HS6ST3: variants seen among roughly 807,000 people sequenced by gnomAD.
HS6ST3 encodes the protein heparan-sulfate 6-O-sulfotransferase 3.
In HS6ST3, 12 loss-of-function variants were observed where a neutral mutation model predicts 36.7. That is an observed-to-expected ratio of 0.33 (90% CI 0.21 to 0.53). HS6ST3 has a LOEUF of 0.53. Ranked by LOEUF, HS6ST3 falls within the 20% of genes least tolerant of loss-of-function variation. HS6ST3 has a pLI of 0.95. For missense variants in HS6ST3, 584 were observed against 640.9 expected (o/e 0.91, Z 0.96); for synonymous variants, 240 against 257.5 (o/e 0.93, Z 0.65).
At chr13:96,520,193 C>T (rs1376267892) in intron 1 of HS6ST3, among the ~76,000 whole-genome samples, 8 of 152,174 alleles carry the variant, frequency 5.3e-5, no homozygotes, top group South Asian at 2.1e-4. Flanking sequence ...CTGAGGCCTC[C>T]GTTCTCTTCC....
At chr13:96,794,254 C>T (rs1458145464) in intron 1 of HS6ST3, among the ~76,000 whole-genome samples, 1 of 152,022 alleles carries the variant, frequency 6.6e-6, no homozygotes, top group Non-Finnish European at 1.5e-5. Context: ...AACAGTAAAA[C>T]TTTAAGACAC....
intron 1 of HS6ST3, among the ~76,000 whole-genome samples, chr13:96,152,368 C>T (rs1476618358): frequency 1.7e-5 from 2 of 121,108 alleles, no homozygotes; most frequent in African/African-American, 3.2e-5. Context: ...GACGGAGTCT[C>T]GCTCTGTCCC....
chr13:96,163,523 C>T (rs1265239100), intron 1 of HS6ST3, among the ~76,000 whole-genome samples: 11 of 152,090 alleles, frequency 7.2e-5, no homozygotes, highest in Admixed American at 7.2e-4. Flanking sequence ...GCCACTGCAC[C>T]CAGCCCCTGT....
At chr13:96,551,443 A>C (rs1011077822) in intron 1 of HS6ST3, among the ~76,000 whole-genome samples, 4 of 152,200 alleles carry the variant, frequency 2.6e-5, no homozygotes, top group African/African-American at 9.6e-5. Flanking sequence ...TTTTATTGAG[A>C]AACTGTCATT....
chr13:96,437,710 G>A (rs1407686662), intron 1 of HS6ST3, among the ~76,000 whole-genome samples: 1 of 152,226 alleles, frequency 6.6e-6, no homozygotes, highest in African/African-American at 2.4e-5. Context: ...TTGAGGCATT[G>A]CCTTTGCTTA....
chr13:96,116,434 CT>C (rs1256437381), intron 1 of HS6ST3, among the ~76,000 whole-genome samples: 2 of 152,092 alleles, frequency 1.3e-5, no homozygotes, highest in Admixed American at 1.3e-4. Context: ...GTGGTCTCCC[CT>C]AATCAGCAGA....
At chr13:96,261,275 C>A (rs2054665265) in intron 1 of HS6ST3, among the ~76,000 whole-genome samples, 1 of 148,186 alleles carries the variant, frequency 6.7e-6, no homozygotes, top group African/African-American at 2.5e-5. Flanking sequence ...TATATATATC[C>A]CTAAAAATAT....
chr13:96,824,717 A>C (rs999068267), intron 1 of HS6ST3, among the ~76,000 whole-genome samples: 1 of 152,196 alleles, frequency 6.6e-6, no homozygotes, highest in Non-Finnish European at 1.5e-5. Flanking sequence ...TCACTTTTTT[A>C]AAATGCACAC....
chr13:96,310,041 AG>A (rs1363715025), intron 1 of HS6ST3, among the ~76,000 whole-genome samples: 3 of 152,174 alleles, frequency 2.0e-5, no homozygotes, highest in African/African-American at 7.2e-5. Context: ...GATTATTCCT[AG>A]GTGAGTCTTA....
intron 1 of HS6ST3, among the ~76,000 whole-genome samples, chr13:96,117,110 G>A (rs372677358): frequency 1.3e-5 from 2 of 152,120 alleles, no homozygotes; most frequent in East Asian, 1.9e-4. Context: ...TAAAATTTCT[G>A]GTATAAGTAA....
intron 1 of HS6ST3, among the ~76,000 whole-genome samples, chr13:96,285,168 C>T (rs1385542789): frequency 3.3e-5 from 5 of 152,180 alleles, no homozygotes; most frequent in East Asian, 1.9e-4. Context: ...GGCCGTGTGA[C>T]AGAACTTCAA....
At chr13:96,560,366 C>T (rs542599318) in intron 1 of HS6ST3, among the ~76,000 whole-genome samples, 1 of 152,210 alleles carries the variant, frequency 6.6e-6, no homozygotes, top group East Asian at 1.9e-4. Flanking sequence ...AAATCATACA[C>T]TATGCCTCAC....
intron 1 of HS6ST3, among the ~76,000 whole-genome samples, chr13:96,638,112 G>T (rs769537286): frequency 2.0e-5 from 3 of 152,054 alleles, no homozygotes; most frequent in Non-Finnish European, 2.9e-5. Context: ...GGAACTTTTA[G>T]TGTCAATCCT....
intron 1 of HS6ST3, among the ~76,000 whole-genome samples, chr13:96,765,151 G>A (rs1413735158): frequency 7.1e-6 from 1 of 141,624 alleles, no homozygotes; most frequent in Non-Finnish European, 1.5e-5. Flanking sequence ...TCGGCTCACT[G>A]CAAGCTCCGC....
intron 1 of HS6ST3, among the ~76,000 whole-genome samples, chr13:96,096,625 A>G (rs866930105): frequency 2.0e-5 from 3 of 152,218 alleles, no homozygotes; most frequent in Non-Finnish European, 4.4e-5. Context: ...TTACACATTC[A>G]GGGCCAAAAG....
In HS6ST3 at chr13:96,836,288, A is replaced by C. The variant is rs923321961; in HGVS notation, c.*3090A>C. 10 of 152,354 alleles carry C rather than the reference A, an allele frequency of 6.6e-5. No individual in the cohort carries two copies. Among genetic ancestry groups the C allele is most frequent in the African/African-American group, 2.4e-4 (10 of 41,568 alleles). The allele number at this position is 152,354 out of a possible 1,614,324, so 9.4% of individuals were successfully genotyped here. On this transcript the variant is annotated 3_prime_UTR_variant, in exon 2 of 2. Transcript: ENST00000376705. ...CTTGGCAATGGAAGCTCCAGTACCC[A>C]GATTGGAGATTAGGATGAGACAACT...
At chr13:96,233,559 G>C (rs2054518270) in intron 1 of HS6ST3, among the ~76,000 whole-genome samples, 1 of 152,194 alleles carries the variant, frequency 6.6e-6, no homozygotes, top group Non-Finnish European at 1.5e-5. Context: ...AGTGATGAGG[G>C]CTGGAAAGGA....
chr13:96,388,684 A>C (rs2055380673), intron 1 of HS6ST3, among the ~76,000 whole-genome samples: 1 of 152,154 alleles, frequency 6.6e-6, no homozygotes, highest in South Asian at 2.1e-4. Context: ...TATAATCCCC[A>C]AGTGTTAAGG....
At chr13:96,657,897 A>G (rs1414948653) in intron 1 of HS6ST3, among the ~76,000 whole-genome samples, 3 of 152,164 alleles carry the variant, frequency 2.0e-5, no homozygotes, top group Non-Finnish European at 2.9e-5. Context: ...CAGTCCTCCC[A>G]TAACAGTTAT....
Sources: allele counts gnomAD v4.1 joint callset (sites outside exome capture counted in the v4.1 genomes callset), GRCh38; gene constraint gnomAD v4.1.1; transcripts MANE v1.5; gene names NCBI Gene and HGNC (gene_info 2026-07-23, HGNC 2026-07-21).